The following HLCS variants were observed in gnomAD, a reference collection of about 807,000 sequenced individuals.
HLCS encodes holocarboxylase synthetase, also known as biotin--protein ligase.
A neutral mutation model predicts 75.0 loss-of-function variants in HLCS; 53 were observed. The observed-to-expected ratio is 0.71, with a 90% confidence interval of 0.57 to 0.89. The LOEUF (loss-of-function observed/expected upper bound fraction) is 0.89, where lower values mean the gene tolerates loss of function less well. HLCS is among the 40% of genes least tolerant of loss of function. HLCS has a pLI of 0.00. For synonymous variants in HLCS, 431 were observed against 428.6 expected, an observed-to-expected ratio of 1.01 and a Z score of -0.07; for missense variants, 966 against 1,074.0, an observed-to-expected ratio of 0.90 and a Z score of 1.41.
chr21:36,842,724 C>G lies in HLCS; in HGVS notation c.1892+54136G>C, dbSNP rs1287141099. On this transcript the variant is annotated intron_variant, in intron 6 of 10. Transcript: ENST00000674895. The surrounding 1 kb of genome is among the most constrained non-coding windows in gnomAD (Gnocchi z 4.2). Reference sequence around the variant, plus strand: ...TGCCACTGCACTCCACCCTGGGCAACAGAGCAAGACTCAGTCTCAAAAAAA... The same window carrying G: ...TGCCACTGCACTCCACCCTGGGCAAGAGAGCAAGACTCAGTCTCAAAAAAA... Among the ~76,000 whole-genome samples, 2 of 152,130 alleles carry G rather than the reference C, an allele frequency of 1.3e-5. No homozygotes were observed. The highest frequency in any genetic ancestry group is 2.9e-5 in the Non-Finnish European group (2 of 68,034).
chr21:36,845,726 G>A (rs2062774906), intron 6 of HLCS, among the ~76,000 whole-genome samples: 1 of 152,152 alleles, frequency 6.6e-6, no homozygotes, highest in Admixed American at 6.6e-5. Flanking sequence ...TTCTCTTAAA[G>A]CTGCACGTGT....
At chr21:36,974,689 T>C (rs567690255) in intron 1 of HLCS, 1 of 152,302 alleles carries the variant, frequency 6.6e-6, no homozygotes, top group African/African-American at 2.4e-5. Flanking sequence ...GGTATCCTTA[T>C]AAGGAGAGGA....
intron 1 of HLCS, among the ~76,000 whole-genome samples, chr21:36,964,274 T>C (rs1416186259): frequency 1.3e-5 from 2 of 152,214 alleles, no homozygotes; most frequent in African/African-American, 4.8e-5. Flanking sequence ...CCAAGTAGAC[T>C]GAGGTATCCC....
chr21:36,874,406 AAAT>A (rs1240346699), intron 6 of HLCS, among the ~76,000 whole-genome samples: 5 of 124,170 alleles, frequency 4.0e-5, no homozygotes, highest in Non-Finnish European at 8.0e-5. Context: ...CGTCTCAAAA[AAAT>A]AAAATAAAAT....
rs1294693450 is a variant in HLCS, at chr21:36,749,906, T to C, written c.*4340A>G. ...ACTGTTGAGAAAAAAGACCCTATCA[T>C]AGATTTACAAGTGACAACGTGGACA... On this transcript the variant is annotated 3_prime_UTR_variant, in exon 11 of 11. Coordinates refer to ENST00000674895, the MANE Select transcript of HLCS (RefSeq NM_001352514.2). 6.6e-6 allele frequency: 1 copy of C among 152,202 alleles called. No individual in the cohort carries two copies. The highest frequency in any genetic ancestry group is 1.5e-5 in the Non-Finnish European group (1 of 68,032). 9.4% of individuals were successfully genotyped at this position (152,202 alleles called of 1,614,324 possible).
At chr21:36,884,345 G>C (rs982594786) in intron 6 of HLCS, among the ~76,000 whole-genome samples, 3 of 152,234 alleles carry the variant, frequency 2.0e-5, no homozygotes, top group Non-Finnish European at 4.4e-5. Context: ...TTTAAGATGA[G>C]ATGTCATGGA....
At position 36,772,156 on chromosome 21, in the gene HLCS, TTC is replaced by T. The variant is rs142479004; in HGVS notation, c.1893-4873_1893-4872del. On this transcript the variant is annotated intron_variant, in intron 6 of 10. Coordinates refer to ENST00000674895, the MANE Select transcript of HLCS (RefSeq NM_001352514.2). ...TTAAAAGTGTATATTCTTTTAGAAT[TTC>T]TCTCTTTTTAGAAAACACAGATATA... is the stretch of plus-strand genomic sequence containing the variant. 5.8e-4 allele frequency among the ~76,000 whole-genome samples: 88 copies of T among 152,294 alleles called. 1 individual carries two copies. The highest frequency in any genetic ancestry group is 2.0e-3 in the African/African-American group (84 of 41,566).
intron 6 of HLCS, among the ~76,000 whole-genome samples, chr21:36,782,635 G>A (rs1436704301): frequency 6.6e-6 from 1 of 152,084 alleles, no homozygotes; most frequent in Non-Finnish European, 1.5e-5. Context: ...GAACAGCAAA[G>A]GAAAACACTT....
At chr21:36,894,783 T>C (rs1017747414) in intron 6 of HLCS, among the ~76,000 whole-genome samples, 3 of 152,084 alleles carry the variant, frequency 2.0e-5, no homozygotes, top group East Asian at 1.9e-4. Context: ...ACCTCTAGTG[T>C]TGGCAAGCTC....
At chr21:36,857,900 C>T (rs2063251939) in intron 6 of HLCS, among the ~76,000 whole-genome samples, 1 of 152,108 alleles carries the variant, frequency 6.6e-6, no homozygotes, top group African/African-American at 2.4e-5. Context: ...AGTGATTCTC[C>T]TGCCTCAGCC....
Position 36,797,635 on chromosome 21 carries a change from T to A in HLCS, c.1893-30350A>T, listed in dbSNP as rs187207350. 3.9e-5 allele frequency among the ~76,000 whole-genome samples: 6 copies of A among 152,310 alleles called. No individual in the cohort carries two copies. The East Asian group carries it at 9.6e-4, about 24-fold the overall frequency. ...GAGGAATTAAATGCATCTGCACTTA[T>A]TCTTGGTGTGGATTTCAACTGTTTC... On this transcript the variant is annotated intron_variant, in intron 6 of 10. Coordinates refer to ENST00000674895, the MANE Select transcript of HLCS (RefSeq NM_001352514.2).
rs754558925 is a variant in HLCS, at chr21:36,937,175, G to A, written c.711C>T (p.Asp237=). 1 of 1,614,166 alleles carries A rather than the reference G, an allele frequency of 6.2e-7. No individual in the cohort carries two copies. The highest frequency in any genetic ancestry group is 2.2e-5 in the East Asian group (1 of 44,882). The change falls in exon 4 of 11, where the codon GAC becomes GAT. Residue 237 remains aspartate, a synonymous_variant. Transcript: ENST00000674895. ...AATGCTCAACGGGGCCCCCTCCCCT[G>A]TCACTGTCCCCAGCAGGCTCACTCC... ...ASGSEPAGDS[D]RGGGPVEHYH...
intron 6 of HLCS, among the ~76,000 whole-genome samples, chr21:36,783,513 C>T (rs1419537997): frequency 2.0e-5 from 3 of 152,026 alleles, no homozygotes; most frequent in Non-Finnish European, 2.9e-5. Context: ...AACAACAGTC[C>T]CACAGATGGA....
intron 5 of HLCS, among the ~76,000 whole-genome samples, chr21:36,910,190 G>T (rs767207376): frequency 6.6e-6 from 1 of 152,124 alleles, no homozygotes; most frequent in South Asian, 2.1e-4. Context: ...TTTCATGTTC[G>T]CTTGGTGTCT....
rs1336437558 is a variant in HLCS, at chr21:36,785,847, T to C, written c.1893-18562A>G. The stretch of plus-strand genomic sequence containing the variant: ...TGGATCTCACCCACTCCCTCCCACC[T>C]ATGAGTCTTTGGAAAATACTATTTC... On this transcript the variant is annotated intron_variant, in intron 6 of 10. Coordinates refer to ENST00000674895, the MANE Select transcript of HLCS (RefSeq NM_001352514.2). 3.3e-5 allele frequency among the ~76,000 whole-genome samples: 5 copies of C among 152,338 alleles called. No individual in the cohort carries two copies. The East Asian group carries it at 9.6e-4, about 29-fold the overall frequency.
At chr21:36,864,275 C>T (rs972158827) in intron 6 of HLCS, among the ~76,000 whole-genome samples, 1 of 152,044 alleles carries the variant, frequency 6.6e-6, no homozygotes, top group African/African-American at 2.4e-5. Context: ...TGGCGTGTGC[C>T]TGTAATTCCA....
intron 6 of HLCS, among the ~76,000 whole-genome samples, chr21:36,859,176 C>T (rs2063302524): frequency 6.6e-6 from 1 of 152,202 alleles, no homozygotes; most frequent in African/African-American, 2.4e-5. Context: ...GCGTGTGCCA[C>T]CAAGCCCAGC....
In HLCS at chr21:36,930,234, C is replaced by T; in HGVS notation, c.1620+17G>A. Reference sequence around the variant, plus strand: ...CCACGTCACAGCGCGCTCTGCCCAGCTGAGCCCACAACTCACCTCCGCAGC... The same window carrying T: ...CCACGTCACAGCGCGCTCTGCCCAGTTGAGCCCACAACTCACCTCCGCAGC... On this transcript the variant is annotated intron_variant, in intron 5 of 10. Coordinates refer to ENST00000674895, the MANE Select transcript of HLCS (RefSeq NM_001352514.2). The T allele has an allele frequency of 6.2e-7, 1 of 1,609,388 alleles. No individual in the cohort carries two copies.
rs1012944350 is a variant in HLCS at position 36,966,577 on chromosome 21, A to C, written c.62T>G (p.Leu21Arg). The change falls in exon 1 of 11, where the codon CTC becomes CGC. Residue 21 changes from leucine to arginine, a missense_variant. Physicochemically the swap from Leu to Arg is moderately radical, Grantham distance 102. Transcript: ENST00000674895. ...WARWGRRPAE[L>R]VRATVRRLRA... ...CAGCCGCCGCACCGTGGCGCGCACG[A>C]GCTCAGCCGGCCGGCGACCCCAGCG... The C allele has an allele frequency of 2.0e-6, 2 of 996,328 alleles. No homozygotes were observed. The highest frequency in any genetic ancestry group is 3.5e-5 in the African/African-American group (2 of 56,886). The allele number at this position is 996,328 out of a possible 1,614,324, so 61.7% of individuals were successfully genotyped here. A position where few individuals can be genotyped will look rare whatever the true frequency, so the allele number is the denominator to read the frequency against.
Sources: gnomAD v4.1 joint callset for allele counts (sites outside exome capture counted in the v4.1 genomes callset) on GRCh38, gnomAD v4.1.1 for gene constraint, Gnocchi (gnomAD v3.1) non-coding constraint, MANE v1.5 for transcripts, NCBI Gene and HGNC (gene_info 2026-07-23, HGNC 2026-07-21) for gene names.